PTPN12: variants seen among roughly 807,000 people sequenced by gnomAD.
The protein encoded by PTPN12 is tyrosine-protein phosphatase non-receptor type 12.
In PTPN12, 29 loss-of-function variants were observed where a neutral mutation model predicts 97.6. That is an observed-to-expected ratio of 0.30 (90% confidence interval 0.22 to 0.41). The LOEUF (loss-of-function observed/expected upper bound fraction) is 0.41. Ranked by LOEUF, PTPN12 falls within the 10% of genes least tolerant of loss-of-function variation. The probability of loss-of-function intolerance (pLI) is 1.00; values close to 1 mark genes in which losing one functional copy is unlikely to be tolerated. For missense variants in PTPN12, 819 were observed against 926.0 expected, an observed-to-expected ratio of 0.88 and a Z score of 1.50; for synonymous variants, 327 against 300.4, an observed-to-expected ratio of 1.09 and a Z score of -0.91.
chr7:77,636,898 C>T, intron 15 of PTPN12, 120 bp from the exon 16 acceptor site: 1 of 664,554 alleles, frequency 1.5e-6, no homozygotes, highest in Non-Finnish European at 2.5e-6. Flanking sequence ...TGCTTTTCCT[C>T]TGATGCTGAA....
chr7:77,578,941 A>C (rs1036729674), intron 2 of PTPN12, among the ~76,000 whole-genome samples: 1 of 152,168 alleles, frequency 6.6e-6, no homozygotes, highest in African/African-American at 2.4e-5. Context: ...CAAGTGACCA[A>C]GGTTAACATC....
At chr7:77,598,352 A>T (rs941781775) in intron 7 of PTPN12, among the ~76,000 whole-genome samples, 3 of 152,152 alleles carry the variant, frequency 2.0e-5, no homozygotes, top group African/African-American at 7.2e-5. Flanking sequence ...TATACAATAC[A>T]CCCATGTAAG....
chr7:77,579,873 A>G (rs897945095), intron 2 of PTPN12, among the ~76,000 whole-genome samples: 2 of 152,218 alleles, frequency 1.3e-5, no homozygotes, highest in Non-Finnish European at 2.9e-5. Context: ...AATTCAAGAA[A>G]TGGAAATTAA....
intron 1 of PTPN12, among the ~76,000 whole-genome samples, chr7:77,541,152 G>A (rs943275475): frequency 3.3e-5 from 5 of 152,190 alleles, no homozygotes; most frequent in Non-Finnish European, 7.4e-5. Context: ...GTGCATGGTT[G>A]CGATCCTGGC....
intron 1 of PTPN12, among the ~76,000 whole-genome samples, chr7:77,559,197 T>C (rs1807880379): frequency 6.6e-6 from 1 of 152,230 alleles, no homozygotes; most frequent in African/African-American, 2.4e-5. Context: ...TGTCACAACT[T>C]ATTTCTGCAG....
rs999968702 is a variant in PTPN12 at position 77,639,936 on chromosome 7, A to G, written c.*656A>G. ...TCAGAGATTCAGTAAGTGCCTTGGA[A>G]CAATATTGAATTCTCTTAGCTTGTG... On this transcript the variant is annotated 3_prime_UTR_variant, in exon 18 of 18. Transcript: ENST00000248594. The G allele has an allele frequency of 1.3e-5, 2 of 152,552 alleles. No homozygotes were observed. Among genetic ancestry groups the G allele is most frequent in the African/African-American group, 4.8e-5 (2 of 41,426 alleles). The allele number at this position is 152,552 out of a possible 1,614,324, so 9.4% of individuals were successfully genotyped here. A position where few individuals can be genotyped will look rare whatever the true frequency, so the allele number is the denominator to read the frequency against.
chr7:77,556,886 C>A (rs1807740110), intron 1 of PTPN12, among the ~76,000 whole-genome samples: 1 of 151,924 alleles, frequency 6.6e-6, no homozygotes, highest in South Asian at 2.1e-4. Context: ...ACTATGAGAA[C>A]CTGGTAGAGC....
chr7:77,539,916 T>C (rs1562698831), intron 1 of PTPN12, among the ~76,000 whole-genome samples: 1 of 152,200 alleles, frequency 6.6e-6, no homozygotes, highest in Non-Finnish European at 1.5e-5. Flanking sequence ...TCATCTCAAG[T>C]GATCCATCTG....
chr7:77,539,055 GT>G (rs1402451310), intron 1 of PTPN12, among the ~76,000 whole-genome samples: 1 of 152,176 alleles, frequency 6.6e-6, no homozygotes, highest in African/African-American at 2.4e-5. Flanking sequence ...ACATTGGCTA[GT>G]TTTTATTTTT....
chr7:77,576,011 C>T (rs867533234), intron 2 of PTPN12, among the ~76,000 whole-genome samples: 27 of 152,112 alleles, frequency 1.8e-4, no homozygotes, highest in Non-Finnish European at 3.4e-4. Flanking sequence ...ATCACCATGC[C>T]TGGCTAATTT....
Position 77,561,759 on chromosome 7 carries a change from T to TTTAA in PTPN12, c.100-9296_100-9293dup, listed in dbSNP as rs146164614. On this transcript the variant is annotated intron_variant, in intron 1 of 17. Transcript: ENST00000248594. Reference sequence around the variant, plus strand: ...AATATTCTCAATTTTACTGTATGTTTTTAATTAATTAATTAATTAATTAAT... The same window carrying TTTAA: ...AATATTCTCAATTTTACTGTATGTTTTTAATTAATTAATTAATTAATTAATTAAT... Among the ~76,000 whole-genome samples the TTTAA allele has an allele frequency of 7.6e-3, 1,136 of 149,752 alleles. 13 individuals carry two copies. The highest frequency in any genetic ancestry group is 8.9e-3 in the Non-Finnish European group (599 of 67,384).
chr7:77,607,369 G>C lies in PTPN12; in HGVS notation c.762+68G>C, dbSNP rs756168449. ...ATGATTTTCAAACTTAATTATAATT[G>C]CAGTAAATTATAGTGTATATTTTAT... On this transcript the variant is annotated intron_variant, in intron 9 of 17. Coordinates refer to ENST00000248594, the MANE Select transcript of PTPN12 (RefSeq NM_002835.4). 2.7e-6 allele frequency: 3 copies of C among 1,131,758 alleles called. No individual in the cohort carries two copies. The South Asian group carries it at 3.9e-5, about 15-fold the overall frequency. The allele number at this position is 1,131,758 out of a possible 1,614,324, so 70.1% of individuals were successfully genotyped here.
At chr7:77,569,602 C>T (rs373034338) in intron 1 of PTPN12, among the ~76,000 whole-genome samples, 1 of 152,054 alleles carries the variant, frequency 6.6e-6, no homozygotes, top group Non-Finnish European at 1.5e-5. Context: ...GAAACGCTGT[C>T]TCTACTAAAA....
intron 1 of PTPN12, among the ~76,000 whole-genome samples, chr7:77,570,660 T>C (rs749101276): frequency 3.3e-5 from 5 of 152,252 alleles, no homozygotes; most frequent in Non-Finnish European, 5.9e-5. Flanking sequence ...GCTTATGCCT[T>C]GGGAGAAAGC....
At chr7:77,574,478 G>T (rs1787271679) in intron 2 of PTPN12, among the ~76,000 whole-genome samples, 1 of 152,180 alleles carries the variant, frequency 6.6e-6, no homozygotes, top group Non-Finnish European at 1.5e-5. Context: ...TTAAACACAG[G>T]CGGTTTTAAA....
intron 2 of PTPN12, among the ~76,000 whole-genome samples, chr7:77,572,071 C>T (rs1326239884): frequency 2.0e-5 from 3 of 150,144 alleles, no homozygotes; most frequent in African/African-American, 4.9e-5. Context: ...GTTGTTCTCT[C>T]TAAAATGCCT....
intron 9 of PTPN12, among the ~76,000 whole-genome samples, chr7:77,607,744 G>GC (rs537643306): frequency 6.7e-6 from 1 of 150,312 alleles, no homozygotes; most frequent in Non-Finnish European, 1.5e-5. Flanking sequence ...AATTTTCATT[G>GC]CCTTTTTTTT....
At chr7:77,593,590 C>T (rs1049649629) in intron 6 of PTPN12, among the ~76,000 whole-genome samples, 5 of 152,322 alleles carry the variant, frequency 3.3e-5, no homozygotes, top group South Asian at 4.1e-4. Flanking sequence ...TGAAGGCAGC[C>T]TGCTGGAGAA....
chr7:77,546,320 T>A (rs567518558), intron 1 of PTPN12, among the ~76,000 whole-genome samples: 1 of 152,358 alleles, frequency 6.6e-6, no homozygotes, highest in East Asian at 1.9e-4. Flanking sequence ...TTTGTAAAGT[T>A]TGATCTTTAA....
Sources: gnomAD v4.1 joint callset for allele counts (sites outside exome capture counted in the v4.1 genomes callset) on GRCh38, gnomAD v4.1.1 for gene constraint, MANE v1.5 for transcripts, NCBI Gene and HGNC (gene_info 2026-07-23, HGNC 2026-07-21) for gene names.